Variants in MGAT5 observed in about 807,000 individuals in gnomAD.
MGAT5 encodes alpha-1,6-mannosylglycoprotein 6-beta-N-acetylglucosaminyltransferase A.
A neutral mutation model predicts 94.3 loss-of-function variants in MGAT5; 30 were observed. That is an observed-to-expected ratio of 0.32 (90% confidence interval 0.24 to 0.43). The LOEUF is 0.43. Ranked by LOEUF, MGAT5 falls within the 20% of genes least tolerant of loss-of-function variation. MGAT5 has a pLI of 1.00. For missense variants in MGAT5, 691 were observed against 905.5 expected, an observed-to-expected ratio of 0.76 and a Z score of 3.04; for synonymous variants, 310 against 322.9, an observed-to-expected ratio of 0.96 and a Z score of 0.43.
In MGAT5 at chr2:134,345,010, T is replaced by C; in HGVS notation, c.1058T>C (p.Ile353Thr). 6.2e-7 allele frequency: 1 copy of C among 1,613,642 alleles called. No homozygotes were observed. Among genetic ancestry groups the C allele is most frequent in the Middle Eastern group, 1.7e-4 (1 of 6,056 alleles). The change falls in exon 8 of 16, where the codon ATT (isoleucine) becomes ACT (threonine). Residue 353 changes from isoleucine to threonine, a missense_variant. By Grantham distance (89) the Ile-to-Thr change is moderately conservative (BLOSUM62 -1). Coordinates refer to ENST00000281923, the MANE Select transcript of MGAT5 (RefSeq NM_002410.5). ...DRIVELIYIDIVGLAQFKKTL... is the reference protein window; with the variant it reads ...DRIVELIYIDTVGLAQFKKTL... ...ATTGTTGAGCTCATTTACATTGATA[T>C]TGTAGGACTTGCTCAATTCAAGAAA...
intron 6 of MGAT5, among the ~76,000 whole-genome samples, chr2:134,339,812 C>A (rs78960550): frequency 1.3e-5 from 2 of 152,040 alleles, no homozygotes; most frequent in African/African-American, 2.4e-5. Context: ...TTGATGGAAG[C>A]GCACAGAAAA....
intron 13 of MGAT5, among the ~76,000 whole-genome samples, chr2:134,426,479 T>C (rs986227476): frequency 6.6e-5 from 10 of 152,322 alleles, no homozygotes; most frequent in African/African-American, 2.4e-4. Flanking sequence ...GTTGGAATGG[T>C]GCTTGGGTAC....
intron 9 of MGAT5, among the ~76,000 whole-genome samples, chr2:134,355,259 T>C (rs1368369017): frequency 1.3e-5 from 2 of 152,242 alleles, no homozygotes; most frequent in African/African-American, 4.8e-5. Flanking sequence ...GTAACTTTTA[T>C]CTTTTTCACA....
chr2:134,198,680 G>C (rs548577264), intron 1 of MGAT5, among the ~76,000 whole-genome samples: 2 of 152,306 alleles, frequency 1.3e-5, no homozygotes, highest in Admixed American at 1.3e-4. Flanking sequence ...TATTGTAGTG[G>C]ATCAAGTAGT....
At chr2:134,125,008 T>A (rs758615265) in intron 1 of MGAT5, among the ~76,000 whole-genome samples, 1 of 152,182 alleles carries the variant, frequency 6.6e-6, no homozygotes, top group Non-Finnish European at 1.5e-5. Flanking sequence ...AGTCTTCCAC[T>A]CTATTAGTTT....
chr2:134,362,516 A>T, intron 10 of MGAT5, 108 bp downstream of exon 10: 3 of 1,324,134 alleles, frequency 2.3e-6, no homozygotes, highest in Non-Finnish European at 3.1e-6. Flanking sequence ...GCTTAATGGG[A>T]TCTACTTAGA....
At chr2:134,291,710 T>C (rs1685377684) in intron 2 of MGAT5, among the ~76,000 whole-genome samples, 1 of 152,208 alleles carries the variant, frequency 6.6e-6, no homozygotes, top group African/African-American at 2.4e-5. Flanking sequence ...TTGAGAGCCC[T>C]GTAAGGCAAG....
At chr2:134,351,050 G>A (rs556690244) in intron 9 of MGAT5, among the ~76,000 whole-genome samples, 1 of 152,184 alleles carries the variant, frequency 6.6e-6, no homozygotes, top group South Asian at 2.1e-4. Flanking sequence ...TGGGTGTTAG[G>A]CATGAAAAGG....
chr2:134,408,443 G>T (rs1205484337), intron 11 of MGAT5, among the ~76,000 whole-genome samples: 1 of 152,206 alleles, frequency 6.6e-6, no homozygotes, highest in African/African-American at 2.4e-5. Context: ...TTGGGTTTTT[G>T]TTTCTGAAAC....
intron 15 of MGAT5, among the ~76,000 whole-genome samples, chr2:134,443,540 C>T (rs1431138245): frequency 1.3e-5 from 2 of 152,178 alleles, no homozygotes; most frequent in Non-Finnish European, 2.9e-5. Flanking sequence ...GACCCAGGCA[C>T]AGAAGCTGCC....
At chr2:134,362,465 T>C in intron 10 of MGAT5, 57 bp downstream of exon 10, 9 of 1,586,494 alleles carry the variant, frequency 5.7e-6, no homozygotes, top group Middle Eastern at 1.7e-4. Flanking sequence ...GGTAATTTAA[T>C]TTAACTTTGA....
chr2:134,442,941 T>C (rs1255721771), intron 15 of MGAT5, among the ~76,000 whole-genome samples: 1 of 151,952 alleles, frequency 6.6e-6, no homozygotes, highest in Non-Finnish European at 1.5e-5. Flanking sequence ...TTGAAGAGGA[T>C]GTTTAGGAAG....
At chr2:134,325,009 T>TAA (rs1269899689) in intron 4 of MGAT5, among the ~76,000 whole-genome samples, 1 of 59,122 alleles carries the variant, frequency 1.7e-5, no homozygotes, top group Non-Finnish European at 4.3e-5. Flanking sequence ...GTAAAAGAAT[T>TAA]TAAAAAAAAA....
At chr2:134,126,447 C>A (rs1685843762) in intron 1 of MGAT5, among the ~76,000 whole-genome samples, 1 of 152,182 alleles carries the variant, frequency 6.6e-6, no homozygotes, top group Non-Finnish European at 1.5e-5. Context: ...AGGCTTGTAA[C>A]ATAAATTAAA....
intron 1 of MGAT5, among the ~76,000 whole-genome samples, chr2:134,146,385 T>A (rs139600092): frequency 0.018 from 2,694 of 148,560 alleles, 68 homozygotes; most frequent in African/African-American, 0.061. Flanking sequence ...TAGTGAGACC[T>A]CGTCTCTACA....
intron 10 of MGAT5, among the ~76,000 whole-genome samples, chr2:134,370,140 G>T (rs1680694379): frequency 6.6e-6 from 1 of 152,168 alleles, no homozygotes; most frequent in Admixed American, 6.5e-5. Context: ...TTGGGAATGG[G>T]AGTCATTTGG....
intron 1 of MGAT5, among the ~76,000 whole-genome samples, chr2:134,261,606 C>A (rs1036703974): frequency 3.9e-5 from 6 of 152,206 alleles, no homozygotes; most frequent in Admixed American, 2.6e-4. Flanking sequence ...CCCTCCTTCA[C>A]AGGAGGGCCC....
At chr2:134,216,118 G>A (rs917106517) in intron 1 of MGAT5, among the ~76,000 whole-genome samples, 2 of 152,154 alleles carry the variant, frequency 1.3e-5, no homozygotes, top group Admixed American at 6.5e-5. Context: ...GGTAAAGTCG[G>A]TGTCTTGTAC....
At chr2:134,359,899 C>T (rs371190326) in intron 9 of MGAT5, among the ~76,000 whole-genome samples, 1 of 152,132 alleles carries the variant, frequency 6.6e-6, no homozygotes, top group Non-Finnish European at 1.5e-5. Flanking sequence ...CACACTGGGC[C>T]GGTAGTTACT....
Sources: allele counts gnomAD v4.1 joint callset (sites outside exome capture counted in the v4.1 genomes callset), GRCh38; gene constraint gnomAD v4.1.1; transcripts MANE v1.5; gene names NCBI Gene and HGNC (gene_info 2026-07-23, HGNC 2026-07-21).